Variants in AOAH observed in about 807,000 individuals in gnomAD.
AOAH encodes acyloxyacyl hydrolase, also known as acyloxyacyl hydrolase (neutrophil).
A neutral mutation model predicts 92.2 loss-of-function variants in AOAH; 64 were observed. That is an observed-to-expected ratio of 0.69 (90% confidence interval 0.57 to 0.86). AOAH has a LOEUF of 0.86. Ranked by LOEUF, AOAH falls within the 40% of genes least tolerant of loss-of-function variation. AOAH has a pLI of 0.00. For missense variants in AOAH, 656 were observed against 694.6 expected, an observed-to-expected ratio of 0.94 and a Z score of 0.62; for synonymous variants, 263 against 254.5, an observed-to-expected ratio of 1.03 and a Z score of -0.32.
Position 36,542,470 on chromosome 7 carries a change from G to T in AOAH, c.1134-1979C>A, listed in dbSNP as rs141259156. On this transcript the variant is annotated intron_variant, in intron 15 of 20. Coordinates refer to ENST00000617537, the MANE Select transcript of AOAH (RefSeq NM_001637.4). ...CCATCACTCAGAGGCTGGACCCAGGGCATAAGTGATATGGGAAGAGGGGGC... is the reference window on the plus strand; with the variant it reads ...CCATCACTCAGAGGCTGGACCCAGGTCATAAGTGATATGGGAAGAGGGGGC... 3.1e-4 allele frequency among the ~76,000 whole-genome samples: 47 copies of T among 152,290 alleles called. 1 individual carries two copies. In the East Asian group the frequency reaches 8.5e-3, roughly 28 times the overall value.
chr7:36,605,458 G>A (rs1274323511), intron 11 of AOAH, among the ~76,000 whole-genome samples: 5 of 152,200 alleles, frequency 3.3e-5, no homozygotes, highest in Admixed American at 3.3e-4. Context: ...GGGGACAAGA[G>A]ATTGTCCTCT....
At chr7:36,678,600 T>TGTGTGTGCGCGC (rs549317369) in intron 2 of AOAH, among the ~76,000 whole-genome samples, 91 of 131,072 alleles carry the variant, frequency 6.9e-4, no homozygotes, top group South Asian at 1.4e-3. Flanking sequence ...TGTGTGTGTG[T>TGTGTGTGCGCGC]GCGCGCGCGC....
chr7:36,659,073 A>T, intron 4 of AOAH, 93 bp downstream of exon 4: 1 of 1,034,994 alleles, frequency 9.7e-7, no homozygotes. Context: ...TCCCCAAAAC[A>T]CTGAGCGAGT....
intron 3 of AOAH, among the ~76,000 whole-genome samples, chr7:36,673,064 G>C (rs1018875193): frequency 6.6e-6 from 1 of 152,204 alleles, no homozygotes; most frequent in South Asian, 2.1e-4. Context: ...CATAGGAGCA[G>C]AGAAAGTTAT....
Position 36,517,212 on chromosome 7 carries a change from T to TTCTGTCTCTCTCTC in AOAH, c.1600-3833_1600-3832insGAGAGAGAGACAGA, listed in dbSNP as rs1474223898. Among the ~76,000 whole-genome samples, 118 of 21,162 alleles carry TTCTGTCTCTCTCTC rather than the reference T, an allele frequency of 5.6e-3. 6 individuals carry two copies. Among genetic ancestry groups the TTCTGTCTCTCTCTC allele is most frequent in the African/African-American group, 0.012 (110 of 9,354 alleles). 13.9% of individuals were successfully genotyped at this position (21,162 alleles called of 152,430 possible). ...TTTCTTTCTTTCTTTCTTTCTTTCT[T>TTCTGTCTCTCTCTC]TCTCTTTCTTTCTGTCTCTCTCTCT... On this transcript the variant is annotated intron_variant, in intron 20 of 20. Coordinates refer to ENST00000617537, the MANE Select transcript of AOAH (RefSeq NM_001637.4).
chr7:36,646,930 A>G (rs1239978851), intron 4 of AOAH, among the ~76,000 whole-genome samples: 1 of 152,260 alleles, frequency 6.6e-6, no homozygotes, highest in East Asian at 1.9e-4. Context: ...GTCCAAGGTA[A>G]CAGACACAGT....
At chr7:36,706,277 T>G (rs867872874) in intron 1 of AOAH, among the ~76,000 whole-genome samples, 1 of 152,132 alleles carries the variant, frequency 6.6e-6, no homozygotes, top group African/African-American at 2.4e-5. Context: ...TCCCTGTACC[T>G]CTTCATCAGC....
intron 1 of AOAH, among the ~76,000 whole-genome samples, chr7:36,711,010 A>C (rs1050483545): frequency 6.6e-6 from 1 of 152,194 alleles, no homozygotes; most frequent in Non-Finnish European, 1.5e-5. Context: ...ACATTTGTAC[A>C]GAGTGGCAGA....
In AOAH at chr7:36,563,087, C is replaced by T. The variant is rs1042899822; in HGVS notation, c.1021+13487G>A. 3.1e-5 allele frequency among the ~76,000 whole-genome samples: 4 copies of T among 127,594 alleles called. No homozygotes were observed. In the Admixed American group the frequency reaches 4.0e-4, roughly 13 times the overall value. The allele number at this position is 127,594 out of a possible 152,430, so 83.7% of individuals were successfully genotyped here. A position where few individuals can be genotyped will look rare whatever the true frequency, so the allele number is the denominator to read the frequency against. On this transcript the variant is annotated intron_variant, in intron 13 of 20. Transcript: ENST00000617537. ...ACTTGAAACCAGAAGGCGGAGGTTG[C>T]AGTGAGCCGAGATCGTGCCACTGCA...
At chr7:36,527,306 A>C (rs1156334350) in intron 19 of AOAH, among the ~76,000 whole-genome samples, 2 of 152,246 alleles carry the variant, frequency 1.3e-5, no homozygotes, top group Non-Finnish European at 2.9e-5. Context: ...TGTGAATTTT[A>C]GTATCATGAA....
chr7:36,544,750 T>G (rs903004769), intron 15 of AOAH, among the ~76,000 whole-genome samples: 2 of 152,138 alleles, frequency 1.3e-5, no homozygotes, highest in Non-Finnish European at 2.9e-5. Context: ...TTGTGTCTGA[T>G]CAGGCAAAAT....
At chr7:36,711,671 G>A (rs1055454311) in intron 1 of AOAH, among the ~76,000 whole-genome samples, 1 of 152,216 alleles carries the variant, frequency 6.6e-6, no homozygotes, top group Non-Finnish European at 1.5e-5. Context: ...CCACGGTAAA[G>A]GGCACGTGCA....
At chr7:36,705,785 C>T (rs1313911946) in intron 1 of AOAH, among the ~76,000 whole-genome samples, 5 of 152,114 alleles carry the variant, frequency 3.3e-5, no homozygotes, top group African/African-American at 1.2e-4. Context: ...GTAACCAAAA[C>T]AGCATGGTAC....
chr7:36,547,827 C>T (rs1347105456), intron 15 of AOAH, among the ~76,000 whole-genome samples: 1 of 152,174 alleles, frequency 6.6e-6, no homozygotes, highest in Non-Finnish European at 1.5e-5. Flanking sequence ...TTAGCAAAAT[C>T]ACCTTCTTGC....
chr7:36,552,943 T>C (rs1464539931), intron 13 of AOAH, among the ~76,000 whole-genome samples: 2 of 152,292 alleles, frequency 1.3e-5, no homozygotes, highest in Middle Eastern at 3.4e-3. Flanking sequence ...ATGGTGTATA[T>C]GCACCACATT....
In AOAH at chr7:36,513,227, C is replaced by G; in HGVS notation, c.*25G>C. 1.2e-6 allele frequency: 2 copies of G among 1,614,174 alleles called. No homozygotes were observed. Among genetic ancestry groups the G allele is most frequent in the Non-Finnish European group, 1.7e-6 (2 of 1,180,020 alleles). Reference sequence around the variant, plus strand: ...CCAAGCCTCTGCCTCCCTGTGCTCCCCAGGGGTGCATGCTCCTGAGAGGCT... The same window carrying G: ...CCAAGCCTCTGCCTCCCTGTGCTCCGCAGGGGTGCATGCTCCTGAGAGGCT... On this transcript the variant is annotated 3_prime_UTR_variant, in exon 21 of 21. Transcript: ENST00000617537.
chr7:36,580,349 T>G (rs1788846543), intron 12 of AOAH, among the ~76,000 whole-genome samples: 1 of 152,206 alleles, frequency 6.6e-6, no homozygotes, highest in South Asian at 2.1e-4. Context: ...CGTCTGCTAT[T>G]ACCAGAATAA....
intron 12 of AOAH, among the ~76,000 whole-genome samples, chr7:36,586,301 A>G (rs1241531264): frequency 1.3e-5 from 2 of 152,096 alleles, no homozygotes; most frequent in African/African-American, 4.8e-5. Context: ...TCCTGAACCC[A>G]TTCTTTCCAA....
intron 7 of AOAH, 23 bp from the exon 8 acceptor site, chr7:36,621,803 G>A: frequency 1.2e-6 from 2 of 1,612,326 alleles, no homozygotes; most frequent in Non-Finnish European, 1.7e-6. Flanking sequence ...AGCACACACA[G>A]GAGGGGTTCA....
Sources: allele counts gnomAD v4.1 joint callset (sites outside exome capture counted in the v4.1 genomes callset), GRCh38; gene constraint gnomAD v4.1.1; transcripts MANE v1.5; gene names NCBI Gene and HGNC (gene_info 2026-07-23, HGNC 2026-07-21).